Variants in RBFOX1 observed in about 807,000 individuals in gnomAD.
RBFOX1 encodes RNA binding fox-1 homolog 1.
Under a neutral mutation model 57.7 loss-of-function variants are expected in RBFOX1, and 8 were observed. The observed-to-expected ratio is 0.14, with a 90% confidence interval of 0.08 to 0.25. RBFOX1 has a LOEUF of 0.25. Among genes scored for constraint, RBFOX1 ranks in the 10% least tolerant of loss-of-function variants. The pLI, the probability that RBFOX1 is intolerant of heterozygous loss-of-function variation, is 1.00. For missense variants in RBFOX1, 611 were observed against 548.5 expected (o/e 1.11, Z -1.14); for synonymous variants, 326 against 222.4 (o/e 1.47, Z -4.15).
intron 2 of RBFOX1, among the ~76,000 whole-genome samples, chr16:6,414,336 G>T (rs986114693): frequency 6.6e-6 from 1 of 152,154 alleles, no homozygotes; most frequent in Non-Finnish European, 1.5e-5. Context: ...TCTTCTCTGG[G>T]ATTATGTGTA....
chr16:6,757,856 C>G (rs535591635), intron 3 of RBFOX1, among the ~76,000 whole-genome samples: 2 of 152,174 alleles, frequency 1.3e-5, no homozygotes, highest in African/African-American at 4.8e-5. Flanking sequence ...CCCAATTACC[C>G]TGATCATAAC....
intron 2 of RBFOX1, among the ~76,000 whole-genome samples, chr16:6,442,667 A>G (rs1351527221): frequency 6.6e-6 from 1 of 152,194 alleles, no homozygotes; most frequent in Non-Finnish European, 1.5e-5. Context: ...GTCGCCAGAA[A>G]CAAGTGTTTT....
intron 4 of RBFOX1, among the ~76,000 whole-genome samples, chr16:7,252,882 A>T (rs2094545228): frequency 6.6e-6 from 1 of 152,038 alleles, no homozygotes; most frequent in South Asian, 2.1e-4. Flanking sequence ...TGACCTACCC[A>T]TATTTGGCAG....
chr16:7,075,699 G>T (rs2058162007), intron 4 of RBFOX1, among the ~76,000 whole-genome samples: 2 of 152,114 alleles, frequency 1.3e-5, no homozygotes, highest in Non-Finnish European at 2.9e-5. Context: ...TCCTGCCTCA[G>T]TCTCCCGAGT....
chr16:6,136,150 C>T (rs1160353130), intron 1 of RBFOX1, among the ~76,000 whole-genome samples: 2 of 151,982 alleles, frequency 1.3e-5, no homozygotes, highest in East Asian at 1.9e-4. Context: ...TTGCTAAGCT[C>T]GCGATGATAA....
chr16:5,756,921 G>C (rs1052809065), intron 3 of RBFOX1, among the ~76,000 whole-genome samples: 1 of 152,186 alleles, frequency 6.6e-6, no homozygotes, highest in Non-Finnish European at 1.5e-5. Context: ...ACAAGATGAT[G>C]TAAAGGATAA....
rs143225433 is a variant in RBFOX1 at position 6,714,460 on chromosome 16, G to A, written c.-16+59810G>A. ...GGAAGTGAAGCTTTATCCCACTACG[G>A]GATCCTTGGAACCAACGTACACACA... On this transcript the variant is annotated intron_variant, in intron 3 of 15. Transcript: ENST00000550418. Among the ~76,000 whole-genome samples, 35 of 152,168 alleles carry A rather than the reference G, an allele frequency of 2.3e-4. 1 individual carries two copies. Among genetic ancestry groups the A allele is most frequent in the African/African-American group, 7.9e-4 (33 of 41,522 alleles).
chr16:5,526,417 T>G (rs531392537), intron 2 of RBFOX1, among the ~76,000 whole-genome samples: 3 of 152,278 alleles, frequency 2.0e-5, no homozygotes, highest in Non-Finnish European at 4.4e-5. Context: ...GCCTCCCAAG[T>G]AGCTGGGATT....
At chr16:6,669,328 T>A (rs922697254) in intron 3 of RBFOX1, among the ~76,000 whole-genome samples, 4 of 152,228 alleles carry the variant, frequency 2.6e-5, no homozygotes, top group African/African-American at 7.2e-5. Context: ...TGCTTCTTTT[T>A]ATCAAGTTAC....
In RBFOX1 at chr16:7,595,596, G is replaced by C; in HGVS notation, c.516G>C (p.Ala172=). ...AAAATAGTGCCGATGCGGACAGGGC[G>C]AGGGAGAAATTACACGGCACCGTGG... The part of the protein sequence containing the change: ...TFENSADADR[A]REKLHGTVVE... The change falls in exon 8 of 16, where the codon GCG becomes GCC. Residue 172 remains alanine (A), a synonymous_variant. Transcript: ENST00000550418. 1 of 1,571,828 alleles carries C rather than the reference G, an allele frequency of 6.4e-7. No homozygotes were observed. Among genetic ancestry groups the C allele is most frequent in the Non-Finnish European group, 8.6e-7 (1 of 1,156,548 alleles).
intron 4 of RBFOX1, among the ~76,000 whole-genome samples, chr16:7,216,408 A>G (rs2092054971): frequency 6.6e-6 from 1 of 152,152 alleles, no homozygotes; most frequent in East Asian, 1.9e-4. Context: ...TAATCCCAGC[A>G]CTTTGGGAGG....
At chr16:5,628,412 C>T (rs868560843) in intron 3 of RBFOX1, among the ~76,000 whole-genome samples, 1 of 152,068 alleles carries the variant, frequency 6.6e-6, no homozygotes, top group South Asian at 2.1e-4. Context: ...TCAAAAGGAG[C>T]TCTGAGTTTT....
intron 2 of RBFOX1, among the ~76,000 whole-genome samples, chr16:6,533,179 G>C (rs901084558): frequency 2.8e-4 from 42 of 152,194 alleles, no homozygotes; most frequent in African/African-American, 1.0e-3. Context: ...AACTAGATGA[G>C]ACCCTGATAC....
chr16:6,147,186 G>T (rs2096764768), intron 1 of RBFOX1, among the ~76,000 whole-genome samples: 1 of 152,188 alleles, frequency 6.6e-6, no homozygotes, highest in Non-Finnish European at 1.5e-5. Flanking sequence ...GACCTCTTCA[G>T]AGCCTCCTTT....
rs148938712 is a variant in RBFOX1, at chr16:6,386,787, T to A, written c.-64+69730T>A. The stretch of plus-strand genomic sequence containing the variant: ...CCACAAAGATTCTCTGGGGATCTAC[T>A]ATTTCAGCAGAAATATAAAGAATTA... On this transcript the variant is annotated intron_variant, in intron 2 of 15. Coordinates refer to ENST00000550418, the MANE Select transcript of RBFOX1 (RefSeq NM_018723.4). Among the ~76,000 whole-genome samples the A allele has an allele frequency of 1.8e-4, 27 of 152,342 alleles. No homozygotes were observed. In the East Asian group the frequency reaches 5.2e-3, roughly 29 times the overall value.
rs187085509 is a variant in RBFOX1 at position 6,121,089 on chromosome 16, A to T, written c.-127+101097A>T. On this transcript the variant is annotated intron_variant, in intron 1 of 15. Coordinates refer to ENST00000550418, the MANE Select transcript of RBFOX1 (RefSeq NM_018723.4). ...TACAATCAACCATATCTTGATAACA[A>T]ATCTTCCTGTCCAACTGGCCTGTTG... Among the ~76,000 whole-genome samples the T allele has an allele frequency of 1.6e-3, 248 of 152,298 alleles. 4 individuals carry two copies. Among genetic ancestry groups the T allele is most frequent in the Admixed American group, 0.014 (220 of 15,302 alleles).
At chr16:6,877,950 C>T (rs935180734) in intron 3 of RBFOX1, among the ~76,000 whole-genome samples, 2 of 151,902 alleles carry the variant, frequency 1.3e-5, no homozygotes, top group Admixed American at 6.6e-5. Context: ...CTTGGATTAG[C>T]AAAAAGTAGG....
At chr16:5,256,475 A>T (rs2062593573) in intron 1 of RBFOX1, among the ~76,000 whole-genome samples, 1 of 152,198 alleles carries the variant, frequency 6.6e-6, no homozygotes, top group Non-Finnish European at 1.5e-5. Flanking sequence ...ATTGGAAACC[A>T]CATCTGCTTC....
chr16:7,530,482 C>G (rs373222277), intron 5 of RBFOX1, among the ~76,000 whole-genome samples: 100 of 151,238 alleles, frequency 6.6e-4, no homozygotes, highest in African/African-American at 2.3e-3. Flanking sequence ...GCCTTATTCT[C>G]ACAAAGACTT....
Sources: allele counts gnomAD v4.1 joint callset (sites outside exome capture counted in the v4.1 genomes callset), GRCh38; gene constraint gnomAD v4.1.1; transcripts MANE v1.5; gene names NCBI Gene and HGNC (gene_info 2026-07-23, HGNC 2026-07-21).